Variants in BAG2 observed in about 807,000 individuals in gnomAD.
BAG2 encodes the protein BAG cochaperone 2, also known as BAG family molecular chaperone regulator 2.
A neutral mutation model predicts 16.4 loss-of-function variants in BAG2; 8 were observed. That is an observed-to-expected ratio of 0.49 (90% CI 0.29 to 0.88). The LOEUF is 0.88. Among genes scored for constraint, BAG2 ranks in the 40% least tolerant of loss-of-function variants. The pLI is 0.09. For synonymous variants in BAG2, 82 were observed against 89.2 expected (o/e 0.92, Z 0.46); for missense variants, 218 against 248.9 (o/e 0.88, Z 0.84).
Position 57,184,237 on chromosome 6 carries a change from A to T in BAG2, c.*47A>T, listed in dbSNP as rs1446510760. 7.1e-7 allele frequency: 1 copy of T among 1,415,784 alleles called. No individual in the cohort carries two copies. Among genetic ancestry groups the T allele is most frequent in the East Asian group, 2.5e-5 (1 of 40,518 alleles). The allele number at this position is 1,415,784 out of a possible 1,614,324, so 87.7% of individuals were successfully genotyped here. A position where few individuals can be genotyped will look rare whatever the true frequency, so the allele number is the denominator to read the frequency against. ...ACACAATACACAAGGTGTAAAAATG[A>T]TAAAATACTATTTTAATTGATAACT... On this transcript the variant is annotated 3_prime_UTR_variant, in exon 3 of 3. Coordinates refer to ENST00000370693, the MANE Select transcript of BAG2 (RefSeq NM_004282.4).
In BAG2 at chr6:57,183,946, C is replaced by T. The variant is rs139519327; in HGVS notation, c.392C>T (p.Ala131Val). The change falls in exon 3 of 3, where the codon GCC becomes GTC. Residue 131 changes from alanine (A) to valine (V), a missense_variant. By Grantham distance (64) the Ala-to-Val change is moderately conservative. Around this residue, in one of 3 missense-constraint regions of BAG2, gnomAD observed 113 missense variants for 128.0 expected, o/e 0.88. Transcript: ENST00000370693. ...AAGTTTCTGGATGATTTGGGAAATGCCAAGAGTCATTTAATGTCGCTCTAC... is the reference window on the plus strand; with the variant it reads ...AAGTTTCTGGATGATTTGGGAAATGTCAAGAGTCATTTAATGTCGCTCTAC... ...VNKFLDDLGNAKSHLMSLYSA... is the reference protein window; with the variant it reads ...VNKFLDDLGNVKSHLMSLYSA... The T allele has an allele frequency of 1.5e-4, 250 of 1,613,764 alleles. 1 individual carries two copies. Among genetic ancestry groups the T allele is most frequent in the Non-Finnish European group, 2.7e-5 (32 of 1,179,900 alleles).
intron 1 of BAG2, among the ~76,000 whole-genome samples, chr6:57,177,468 A>G (rs1562640246): frequency 6.6e-6 from 1 of 152,150 alleles, no homozygotes; most frequent in Middle Eastern, 3.2e-3. Flanking sequence ...TGGTATGAGC[A>G]TTTGCCATTT....
chr6:57,172,633 A>G lies in BAG2; in HGVS notation c.-65A>G, dbSNP rs1287092230. ...TGACGGCGACGCCTGCAGCCCAAGG[A>G]GCGCTCCACTCGCTGCCGCCGGAGG... On this transcript the variant is annotated 5_prime_UTR_variant, in exon 1 of 3. Transcript: ENST00000370693. 7.5e-7 allele frequency: 1 copy of G among 1,336,754 alleles called. No homozygotes were observed. The highest frequency in any genetic ancestry group is 9.9e-7 in the Non-Finnish European group (1 of 1,008,594). 82.8% of individuals were successfully genotyped at this position (1,336,754 alleles called of 1,614,324 possible).
At chr6:57,179,639 T>C (rs1764381779) in intron 1 of BAG2, among the ~76,000 whole-genome samples, 1 of 152,232 alleles carries the variant, frequency 6.6e-6, no homozygotes, top group Admixed American at 6.5e-5. Context: ...CACTTTCATT[T>C]TGCAAAAGTT....
At chr6:57,182,919 G>A (rs558561476) in intron 2 of BAG2, among the ~76,000 whole-genome samples, 1 of 152,324 alleles carries the variant, frequency 6.6e-6, no homozygotes, top group South Asian at 2.1e-4. Flanking sequence ...CCAAAGTGCT[G>A]GGATTACAGG....
intron 2 of BAG2, among the ~76,000 whole-genome samples, chr6:57,182,368 GAA>G (rs1204620397): frequency 6.6e-6 from 1 of 151,872 alleles, no homozygotes; most frequent in Non-Finnish European, 1.5e-5. Flanking sequence ...GGAGAGATAG[GAA>G]AAAGCCTGCA....
chr6:57,182,415 T>C (rs1008568020), intron 2 of BAG2, among the ~76,000 whole-genome samples: 15 of 151,560 alleles, frequency 9.9e-5, no homozygotes, highest in Non-Finnish European at 4.4e-5. Flanking sequence ...AGTAAGGCCA[T>C]GTGTTTTATC....
intron 1 of BAG2, chr6:57,174,468 C>G: frequency 8.9e-7 from 1 of 1,123,560 alleles, no homozygotes; most frequent in Non-Finnish European, 1.2e-6. Flanking sequence ...TTATATTCTA[C>G]TGTTTGATTA....
chr6:57,184,118 C>A lies in BAG2; in HGVS notation c.564C>A (p.Ile188=). 6.2e-7 allele frequency: 1 copy of A among 1,601,510 alleles called. No individual in the cohort carries two copies. Among genetic ancestry groups the A allele is most frequent in the Middle Eastern group, 1.7e-4 (1 of 5,982 alleles). ...ATATTGAAAACTCTGACAAGGCCAT[C>A]AAGCTATTAGAGCATTCTAAAGGAG... The part of the protein sequence containing the change: ...LRNIENSDKA[I]KLLEHSKGAG... Residue 188 remains isoleucine, a synonymous_variant, in exon 3 of 3, where the codon ATC becomes ATA. Coordinates refer to ENST00000370693, the MANE Select transcript of BAG2 (RefSeq NM_004282.4).
At chr6:57,172,883 G>A in intron 1 of BAG2, 73 bp downstream of exon 1, 1 of 1,263,912 alleles carries the variant, frequency 7.9e-7, no homozygotes, top group South Asian at 1.8e-5. Flanking sequence ...AGCGGACGGA[G>A]GCCGCGTGTG....
intron 2 of BAG2, among the ~76,000 whole-genome samples, chr6:57,182,712 G>A (rs781601432): frequency 6.6e-5 from 10 of 151,968 alleles, no homozygotes; most frequent in Non-Finnish European, 1.0e-4. Flanking sequence ...GTGCAATGGC[G>A]CGATCTTGGC....
chr6:57,184,355 C>G lies in BAG2; in HGVS notation c.*165C>G. 1 of 543,426 alleles carries G rather than the reference C, an allele frequency of 1.8e-6. No homozygotes were observed. The highest frequency in any genetic ancestry group is 2.9e-6 in the Non-Finnish European group (1 of 345,930). The allele number at this position is 543,426 out of a possible 1,614,324, so 33.7% of individuals were successfully genotyped here. On this transcript the variant is annotated 3_prime_UTR_variant, in exon 3 of 3. Transcript: ENST00000370693. ...CAAGTATCTTCAGTTTTGTGAATAACAAAACTAGCAATATTTTAATTATCT... is the reference window on the plus strand; with the variant it reads ...CAAGTATCTTCAGTTTTGTGAATAAGAAAACTAGCAATATTTTAATTATCT...
In BAG2 at chr6:57,173,448, C is replaced by G. The variant is rs1030231560; in HGVS notation, c.113+638C>G. 5 of 985,336 alleles carry G rather than the reference C, an allele frequency of 5.1e-6. No homozygotes were observed. In the African/African-American group the frequency reaches 8.7e-5, roughly 17 times the overall value. 61.0% of individuals were successfully genotyped at this position (985,336 alleles called of 1,614,324 possible). ...ACCTCGCGGACGGGATTCAGCGGTT[C>G]CGTTCGTCTCTCGGTATTTATTGGG... On this transcript the variant is annotated intron_variant, in intron 1 of 2. Transcript: ENST00000370693.
chr6:57,174,698 A>G (rs142778554), intron 1 of BAG2, among the ~76,000 whole-genome samples: 143 of 152,332 alleles, frequency 9.4e-4, no homozygotes, highest in African/African-American at 3.3e-3. Context: ...GAAAAATGCT[A>G]ATGTAGATCC....
chr6:57,174,535 C>A, intron 1 of BAG2: 1 of 649,726 alleles, frequency 1.5e-6, no homozygotes, highest in South Asian at 2.2e-5. Flanking sequence ...GCTTAATTAA[C>A]ATTTGAGCTG....
At chr6:57,179,784 TGTG>T (rs1389669614) in intron 1 of BAG2, among the ~76,000 whole-genome samples, 1 of 152,014 alleles carries the variant, frequency 6.6e-6, no homozygotes, top group Non-Finnish European at 1.5e-5. Context: ...TATTCATGTG[TGTG>T]TATAGTGTGA....
In BAG2 at chr6:57,189,707, C is replaced by G. The variant is rs1318659036; in HGVS notation, c.*5517C>G. 1.3e-5 allele frequency: 2 copies of G among 152,624 alleles called. No homozygotes were observed. Among genetic ancestry groups the G allele is most frequent in the African/African-American group, 4.8e-5 (2 of 41,442 alleles). The allele number at this position is 152,624 out of a possible 1,614,324, so 9.5% of individuals were successfully genotyped here. The stretch of plus-strand genomic sequence containing the variant: ...AAAGATATAATAAACAATATAAATT[C>G]TGATAGTAAAGCACTATAAAAATTA... On this transcript the variant is annotated 3_prime_UTR_variant, in exon 3 of 3. Coordinates refer to ENST00000370693, the MANE Select transcript of BAG2 (RefSeq NM_004282.4).
intron 1 of BAG2, among the ~76,000 whole-genome samples, chr6:57,178,087 T>C (rs1764335960): frequency 6.6e-6 from 1 of 152,216 alleles, no homozygotes; most frequent in African/African-American, 2.4e-5. Flanking sequence ...GTGTAGCTGC[T>C]TCCGGGATCT....
chr6:57,172,851 C>A, intron 1 of BAG2, 41 bp downstream of exon 1: 1 of 1,409,896 alleles, frequency 7.1e-7, no homozygotes, highest in Non-Finnish European at 9.3e-7. Context: ...CTGCTCGCCG[C>A]GCGGGCGGTT....
Sources: allele counts gnomAD v4.1 joint callset (sites outside exome capture counted in the v4.1 genomes callset), GRCh38; gene constraint gnomAD v4.1.1; regional missense constraint gnomAD v4.1.1; transcripts MANE v1.5; gene names NCBI Gene and HGNC (gene_info 2026-07-23, HGNC 2026-07-21).